SLC9A9: variants seen among roughly 807,000 people sequenced by gnomAD.
The protein encoded by SLC9A9 is sodium/hydrogen exchanger 9.
A neutral mutation model predicts 77.8 loss-of-function variants in SLC9A9; 62 were observed. That is an observed-to-expected ratio of 0.80 (90% confidence interval 0.65 to 0.98). The LOEUF is 0.98. Ranked by LOEUF, SLC9A9 falls within the 50% of genes least tolerant of loss-of-function variation. SLC9A9 has a pLI of 0.00. For synonymous variants in SLC9A9, 320 were observed against 283.5 expected (o/e 1.13, Z -1.29); for missense variants, 775 against 774.9 (o/e 1.00, Z 0.00).
chr3:143,796,768 G>A, intron 3 of SLC9A9, 58 bp downstream of exon 3: 1 of 1,232,638 alleles, frequency 8.1e-7, no homozygotes, highest in South Asian at 1.3e-5. Context: ...TTTCTCATTA[G>A]TGCTGGTAAA....
At chr3:143,521,502 G>T (rs2036298117) in intron 9 of SLC9A9, among the ~76,000 whole-genome samples, 1 of 152,038 alleles carries the variant, frequency 6.6e-6, no homozygotes. Flanking sequence ...TGATGTATGA[G>T]TTTAATTCAT....
chr3:143,368,172 G>T lies in SLC9A9; in HGVS notation c.1525-4609C>A, dbSNP rs567242357. Among the ~76,000 whole-genome samples, 5 of 152,308 alleles carry T rather than the reference G, an allele frequency of 3.3e-5. No homozygotes were observed. The South Asian group carries it at 1.0e-3, about 32-fold the overall frequency. Reference sequence around the variant, plus strand: ...TCCTTAAATAAGGCAATAGACCAGAGGTTGGGAAGTGACAGAATAGCAGGC... The same window carrying T: ...TCCTTAAATAAGGCAATAGACCAGATGTTGGGAAGTGACAGAATAGCAGGC... On this transcript the variant is annotated intron_variant, in intron 13 of 15. Transcript: ENST00000316549.
At chr3:143,310,507 C>T (rs184542198) in intron 14 of SLC9A9, among the ~76,000 whole-genome samples, 1 of 137,954 alleles carries the variant, frequency 7.2e-6, no homozygotes, top group Non-Finnish European at 1.6e-5. Flanking sequence ...CTTTACAAAA[C>T]AAAACCAGAA....
At chr3:143,475,826 G>T (rs2035467883) in intron 11 of SLC9A9, among the ~76,000 whole-genome samples, 2 of 144,918 alleles carry the variant, frequency 1.4e-5, no homozygotes, top group Non-Finnish European at 3.1e-5. Context: ...GAACCCAAAA[G>T]AAAATGAGCA....
At chr3:143,655,569 C>T (rs1199359335) in intron 5 of SLC9A9, 1 of 985,138 alleles carries the variant, frequency 1.0e-6, no homozygotes, top group African/African-American at 1.7e-5. Context: ...CTCTACATAC[C>T]CTCTTCTTAC....
chr3:143,336,324 G>GT (rs1322729537), intron 14 of SLC9A9, among the ~76,000 whole-genome samples: 8 of 152,162 alleles, frequency 5.3e-5, no homozygotes, highest in African/African-American at 1.7e-4. Context: ...ATGGAAAACA[G>GT]TAAGTATGTT....
chr3:143,803,456 C>T (rs2008622533), intron 2 of SLC9A9, among the ~76,000 whole-genome samples: 3 of 152,136 alleles, frequency 2.0e-5, no homozygotes, highest in Admixed American at 6.5e-5. Context: ...CTTATAAATG[C>T]CCTACTCTTG....
At chr3:143,777,912 A>G (rs1422515971) in intron 4 of SLC9A9, among the ~76,000 whole-genome samples, 1 of 151,238 alleles carries the variant, frequency 6.6e-6, no homozygotes, top group Non-Finnish European at 1.5e-5. Flanking sequence ...ACGGGGTTTC[A>G]CCATGTTGGT....
rs190264726 is a variant in SLC9A9, at chr3:143,406,290, C to T, written c.1470-24176G>A. 1.1e-4 allele frequency among the ~76,000 whole-genome samples: 17 copies of T among 152,174 alleles called. No homozygotes were observed. The East Asian group carries it at 2.9e-3, about 26-fold the overall frequency. ...TACTTATTTAAAACGGAGAATAATA[C>T]TCATTTTGTTTTGTAATTCACATAG... On this transcript the variant is annotated intron_variant, in intron 12 of 15. Transcript: ENST00000316549.
At chr3:143,447,550 C>T (rs1172790709) in intron 12 of SLC9A9, among the ~76,000 whole-genome samples, 1 of 152,058 alleles carries the variant, frequency 6.6e-6, no homozygotes. Flanking sequence ...AGTTAGTATT[C>T]CCTAATGGTG....
At chr3:143,842,599 C>T (rs556485923) in intron 1 of SLC9A9, among the ~76,000 whole-genome samples, 6 of 152,280 alleles carry the variant, frequency 3.9e-5, no homozygotes, top group African/African-American at 1.4e-4. Context: ...ATTACCTTTC[C>T]TGCAGATCCC....
At chr3:143,270,819 T>TA in intron 14 of SLC9A9, among the ~76,000 whole-genome samples, 1 of 152,334 alleles carries the variant, frequency 6.6e-6, no homozygotes, top group East Asian at 1.9e-4. Flanking sequence ...TGAACACCCT[T>TA]AAAAAATCCT....
intron 6 of SLC9A9, among the ~76,000 whole-genome samples, chr3:143,645,559 T>C (rs924045403): frequency 6.6e-6 from 1 of 152,182 alleles, no homozygotes; most frequent in Non-Finnish European, 1.5e-5. Flanking sequence ...AAGGTTCCCC[T>C]CAGTTCCACG....
intron 11 of SLC9A9, among the ~76,000 whole-genome samples, chr3:143,480,105 C>G (rs1321987648): frequency 6.6e-6 from 1 of 152,192 alleles, no homozygotes; most frequent in Admixed American, 6.5e-5. Flanking sequence ...CACACAGTTC[C>G]AGGTGGCTGA....
chr3:143,496,969 G>A lies in SLC9A9; in HGVS notation c.1090-1521C>T, dbSNP rs370780742. On this transcript the variant is annotated intron_variant, in intron 9 of 15. Transcript: ENST00000316549. ...CATCTACTCGCTATGTCCTCACACC[G>A]AGGAGAGAGAGATCATCACTTTTGT... 1.4e-4 allele frequency among the ~76,000 whole-genome samples: 21 copies of A among 152,180 alleles called. 1 individual carries two copies. In the East Asian group the frequency reaches 2.7e-3, roughly 20 times the overall value.
chr3:143,462,275 A>C (rs2035206416), intron 12 of SLC9A9, among the ~76,000 whole-genome samples: 1 of 152,094 alleles, frequency 6.6e-6, no homozygotes, highest in Non-Finnish European at 1.5e-5. Flanking sequence ...TGAGAGGCTG[A>C]GGCAGGAGGA....
At chr3:143,279,395 G>A (rs1938149792) in intron 14 of SLC9A9, among the ~76,000 whole-genome samples, 1 of 152,160 alleles carries the variant, frequency 6.6e-6, no homozygotes, top group Non-Finnish European at 1.5e-5. Context: ...GAAGGTGGGT[G>A]TCTTCATGTT....
At chr3:143,775,616 C>A (rs1167756448) in intron 4 of SLC9A9, among the ~76,000 whole-genome samples, 2 of 152,160 alleles carry the variant, frequency 1.3e-5, no homozygotes, top group Non-Finnish European at 2.9e-5. Flanking sequence ...TACCGTGTAC[C>A]ATTTACCGGG....
intron 1 of SLC9A9, among the ~76,000 whole-genome samples, chr3:143,843,114 T>C (rs1282001922): frequency 6.6e-6 from 1 of 151,902 alleles, no homozygotes; most frequent in Non-Finnish European, 1.5e-5. Flanking sequence ...ATTTTCTCTA[T>C]AAAAAAAGCC....
Sources: gnomAD v4.1 joint callset for allele counts (sites outside exome capture counted in the v4.1 genomes callset) on GRCh38, gnomAD v4.1.1 for gene constraint, MANE v1.5 for transcripts, NCBI Gene and HGNC (gene_info 2026-07-23, HGNC 2026-07-21) for gene names.